ESR2: variants seen among roughly 807,000 people sequenced by gnomAD.
The protein encoded by ESR2 is estrogen receptor 2.
In ESR2, 36 loss-of-function variants were observed where a neutral mutation model predicts 49.6. That is an observed-to-expected ratio of 0.73 (90% CI 0.56 to 0.96). The LOEUF is 0.96. Ranked by LOEUF, ESR2 falls within the 40% of genes least tolerant of loss-of-function variation. ESR2 has a pLI of 0.00. For synonymous variants in ESR2, 320 were observed against 266.1 expected (o/e 1.20, Z -1.97); for missense variants, 714 against 693.0 (o/e 1.03, Z -0.34).
rs117410448 is a variant in ESR2, at chr14:64,324,595, T to C, written c.-91+13303A>G. Among the ~76,000 whole-genome samples the C allele has an allele frequency of 6.0e-3, 910 of 152,328 alleles. 26 individuals are homozygous for C. In the East Asian group the frequency reaches 0.071, roughly 12 times the overall value. On this transcript the variant is annotated intron_variant, in intron 1 of 8. Transcript: ENST00000358599. Reference sequence around the variant, plus strand: ...AGGATCTTTTGTTGTTCCCTATACTTTTCTTCAAGTTGGAATGATTCACAA... The same window carrying C: ...AGGATCTTTTGTTGTTCCCTATACTCTTCTTCAAGTTGGAATGATTCACAA...
chr14:64,260,104 G>A, intron 5 of ESR2: 1 of 502,608 alleles, frequency 2.0e-6, no homozygotes, highest in Admixed American at 2.2e-5. Context: ...TGGACACACA[G>A]GATAGGGTTT....
chr14:64,278,744 G>C (rs891682069), intron 3 of ESR2, among the ~76,000 whole-genome samples: 1 of 152,156 alleles, frequency 6.6e-6, no homozygotes, highest in African/African-American at 2.4e-5. Flanking sequence ...GCAGGGAGAT[G>C]AGCTGACCAG....
chr14:64,267,868 A>G (rs2076362912), intron 4 of ESR2, among the ~76,000 whole-genome samples: 1 of 148,544 alleles, frequency 6.7e-6, no homozygotes, highest in Admixed American at 6.8e-5. Context: ...TGGGTGACAG[A>G]GCGAGACTCC....
intron 3 of ESR2, among the ~76,000 whole-genome samples, chr14:64,272,541 A>C (rs1378460537): frequency 2.0e-5 from 3 of 152,206 alleles, no homozygotes; most frequent in Non-Finnish European, 4.4e-5. Flanking sequence ...CCTTAGATTT[A>C]AGTCACTGAT....
chr14:64,241,495 T>C (rs886802779), intron 7 of ESR2, among the ~76,000 whole-genome samples: 2 of 152,218 alleles, frequency 1.3e-5, no homozygotes, highest in Admixed American at 6.5e-5. Context: ...CCAAAAAGCC[T>C]CCTGGGATTT....
Position 64,284,970 on chromosome 14 carries a change from A to C in ESR2, c.-90-1895T>G, listed in dbSNP as rs538651051. ...GTTCAAGCGATTCTTCTGCCTCAGC[A>C]TCCCGAGTAGCTGGGATTATAGGCG... On this transcript the variant is annotated intron_variant, in intron 1 of 8. Coordinates refer to ENST00000341099, the MANE Select transcript of ESR2 (RefSeq NM_001437.3). 2.0e-3 allele frequency among the ~76,000 whole-genome samples: 308 copies of C among 150,952 alleles called. 1 individual carries two copies. Among genetic ancestry groups the C allele is most frequent in the Non-Finnish European group, 2.2e-3 (152 of 67,802 alleles).
At chr14:64,333,139 A>G (rs975961499) in intron 1 of ESR2, among the ~76,000 whole-genome samples, 1 of 152,114 alleles carries the variant, frequency 6.6e-6, no homozygotes, top group Non-Finnish European at 1.5e-5. Context: ...ATAATGAAAA[A>G]TTGTAATAAT....
downstream of ESR2, chr14:64,227,531 G>C (rs1449129878): frequency 6.2e-7 from 1 of 1,613,892 alleles, no homozygotes; most frequent in East Asian, 2.2e-5. Flanking sequence ...TTGATTAGAG[G>C]GTCACTGCTC....
chr14:64,270,520 T>G (rs1415887158), intron 3 of ESR2, among the ~76,000 whole-genome samples: 1 of 152,212 alleles, frequency 6.6e-6, no homozygotes. Flanking sequence ...AGGTAATTTT[T>G]TTTTTTTTGA....
At position 64,268,807 on chromosome 14, in the gene ESR2, T is replaced by C. The variant is rs1410117865; in HGVS notation, c.640A>G (p.Met214Val). The C allele has an allele frequency of 6.2e-7, 1 of 1,608,942 alleles. No individual in the cohort carries two copies. Among genetic ancestry groups the C allele is most frequent in the South Asian group, 1.1e-5 (1 of 90,944 alleles). ...CRLRKCYEVGMVKCGSRRERC... is the reference protein window; with the variant it reads ...CRLRKCYEVGVVKCGSRRERC... ...AGCAAGCACTCACCACACTTCACCATTCCCACTTCGTAACACTTCCGAAGT... is the reference window on the plus strand; with the variant it reads ...AGCAAGCACTCACCACACTTCACCACTCCCACTTCGTAACACTTCCGAAGT... The change falls in exon 4 of 9, where the codon ATG (methionine) becomes GTG (valine). Residue 214 changes from methionine to valine, a missense_variant. Met to Val is a conservative substitution (Grantham distance 21). Coordinates refer to ENST00000341099, the MANE Select transcript of ESR2 (RefSeq NM_001437.3).
chr14:64,300,266 C>A (rs1229362672), intron 1 of ESR2, among the ~76,000 whole-genome samples: 1 of 152,202 alleles, frequency 6.6e-6, no homozygotes, highest in Non-Finnish European at 1.5e-5. Context: ...CACCTGCCTC[C>A]TTGCAAGAGA....
chr14:64,234,937 A>G (rs1477356325), intron 8 of ESR2, 33 bp downstream of exon 8: 2 of 1,603,548 alleles, frequency 1.2e-6, no homozygotes, highest in African/African-American at 2.7e-5. Context: ...TCCCATCCCA[A>G]GCCCAAGCAG....
At chr14:64,284,728 C>G (rs200048917) in intron 1 of ESR2, among the ~76,000 whole-genome samples, 1 of 152,170 alleles carries the variant, frequency 6.6e-6, no homozygotes, top group Admixed American at 6.5e-5. Context: ...TCATAGTTAC[C>G]TTTGACTTCT....
chr14:64,310,286 A>AAAAAAAAAATAAAAAAAAAAAT (rs1555595498), intron 1 of ESR2, among the ~76,000 whole-genome samples: 64 of 142,450 alleles, frequency 4.5e-4, no homozygotes, highest in African/African-American at 1.5e-3. Flanking sequence ...TCGTCTCAAA[A>AAAAAAAAAATAAAAAAAAAAAT]AATAATAATA....
chr14:64,234,822 T>TA, intron 8 of ESR2, 148 bp downstream of exon 8: 4 of 1,448,128 alleles, frequency 2.8e-6, no homozygotes, highest in Non-Finnish European at 3.6e-6. Flanking sequence ...CATCTTTGCT[T>TA]ACAGGTGTGT....
chr14:64,305,778 T>C (rs1567792778), intron 1 of ESR2, among the ~76,000 whole-genome samples: 1 of 152,192 alleles, frequency 6.6e-6, no homozygotes, highest in Non-Finnish European at 1.5e-5. Flanking sequence ...TAAAGAAGCA[T>C]AGTATATCTA....
rs370716868 is a variant in ESR2, at chr14:64,235,058, C to T, written c.1318G>A (p.Val440Met). Residue 440 changes from valine (V) to methionine (M), a missense_variant, in exon 8 of 9, where the codon GTG becomes ATG. Transcript: ENST00000341099. ...GAGGAGATGCCGCTCTTGGCAATCACCCAAACCAAAGCATCGGTCACGGCG... is the reference window on the plus strand; with the variant it reads ...GAGGAGATGCCGCTCTTGGCAATCATCCAAACCAAAGCATCGGTCACGGCG... ...LNAVTDALVW[V>M]IAKSGISSQQ... is the part of the protein sequence containing the mutation. The T allele has an allele frequency of 3.1e-6, 5 of 1,614,246 alleles. No individual in the cohort carries two copies. In the South Asian group the frequency reaches 4.4e-5, roughly 14 times the overall value.
chr14:64,249,849 A>G (rs2075954951), intron 6 of ESR2, among the ~76,000 whole-genome samples, 170 bp from the exon 7 acceptor site: 1 of 152,254 alleles, frequency 6.6e-6, no homozygotes, highest in Non-Finnish European at 1.5e-5. Context: ...GCAATATGAA[A>G]TTACTAGAAT....
chr14:64,241,332 T>C (rs1256060), intron 7 of ESR2, among the ~76,000 whole-genome samples: 6,845 of 152,228 alleles, frequency 0.045, 514 homozygotes, highest in East Asian at 0.37. Flanking sequence ...CTCTGTTCCA[T>C]TGATCTATTT....
Sources: gnomAD v4.1 joint callset for allele counts (sites outside exome capture counted in the v4.1 genomes callset) on GRCh38, gnomAD v4.1.1 for gene constraint, MANE v1.5 for transcripts, NCBI Gene and HGNC (gene_info 2026-07-23, HGNC 2026-07-21) for gene names.